The following MAN2A1 variants were observed in gnomAD, a reference collection of about 807,000 sequenced individuals.
MAN2A1 encodes mannosidase alpha class 2A member 1, also known as alpha-mannosidase 2.
A neutral mutation model predicts 142.6 loss-of-function variants in MAN2A1; 76 were observed. The observed-to-expected ratio is 0.53, with a 90% confidence interval of 0.44 to 0.65. The LOEUF is 0.65. Among genes scored for constraint, MAN2A1 ranks in the 30% least tolerant of loss-of-function variants. The probability of loss-of-function intolerance (pLI) is 0.00; values close to 1 mark genes in which losing one functional copy is unlikely to be tolerated. For synonymous variants in MAN2A1, 559 were observed against 473.2 expected (o/e 1.18, Z -2.35); for missense variants, 1,311 against 1,365.1 (o/e 0.96, Z 0.62).
intron 12 of MAN2A1, among the ~76,000 whole-genome samples, chr5:109,798,297 A>G (rs573744474): frequency 1.3e-5 from 2 of 152,322 alleles, no homozygotes; most frequent in South Asian, 4.1e-4. Context: ...GGTGAGAGTG[A>G]TATTTCGTAT....
intron 5 of MAN2A1, among the ~76,000 whole-genome samples, chr5:109,756,390 A>G (rs1752690894): frequency 7.2e-6 from 1 of 139,772 alleles, no homozygotes; most frequent in African/African-American, 2.5e-5. Flanking sequence ...ATAATAATGT[A>G]GTTTTTTATG....
intron 5 of MAN2A1, among the ~76,000 whole-genome samples, chr5:109,761,838 T>C (rs918645142): frequency 5.9e-5 from 9 of 152,042 alleles, no homozygotes; most frequent in African/African-American, 2.2e-4. Context: ...GTTATTAATA[T>C]CCAATTTACA....
At chr5:109,730,128 A>G (rs1305112071) in intron 4 of MAN2A1, among the ~76,000 whole-genome samples, 1 of 152,194 alleles carries the variant, frequency 6.6e-6, no homozygotes, top group Admixed American at 6.6e-5. Context: ...GTATATTTCA[A>G]TCTTCCATAT....
intron 5 of MAN2A1, among the ~76,000 whole-genome samples, chr5:109,764,617 T>C (rs927450165): frequency 6.6e-6 from 1 of 152,198 alleles, no homozygotes; most frequent in South Asian, 2.1e-4. Flanking sequence ...ACTTTCTCTT[T>C]TCTACATTAT....
intron 13 of MAN2A1, among the ~76,000 whole-genome samples, chr5:109,818,142 T>C (rs1449455413): frequency 6.6e-6 from 1 of 152,018 alleles, no homozygotes; most frequent in African/African-American, 2.4e-5. Context: ...CTTTTATTAT[T>C]ATTATTATTA....
At position 109,730,576 on chromosome 5, in the gene MAN2A1, C is replaced by T. The variant is rs146968286; in HGVS notation, c.707+1063C>T. On this transcript the variant is annotated intron_variant, in intron 4 of 21. Coordinates refer to ENST00000261483, the MANE Select transcript of MAN2A1 (RefSeq NM_002372.4). ...AAAACTGATTAAAAAAAATACGTTA[C>T]GATGGGAGGTTTTCTGATCTCCATG... is the stretch of plus-strand genomic sequence containing the variant. 8.7e-3 allele frequency among the ~76,000 whole-genome samples: 1,319 copies of T among 151,760 alleles called. 20 individuals carry two copies. The highest frequency in any genetic ancestry group is 0.03 in the African/African-American group (1,245 of 41,312).
At chr5:109,824,720 G>A (rs1431642871) in intron 16 of MAN2A1, among the ~76,000 whole-genome samples, 1 of 152,146 alleles carries the variant, frequency 6.6e-6, no homozygotes, top group East Asian at 1.9e-4. Flanking sequence ...TGTATAGGTA[G>A]GCACGGTTTC....
Position 109,762,204 on chromosome 5 carries a change from A to G in MAN2A1, c.836-5331A>G, listed in dbSNP as rs558536827. Among the ~76,000 whole-genome samples the G allele has an allele frequency of 2.0e-5, 3 of 152,292 alleles. No individual in the cohort carries two copies. In the East Asian group the frequency reaches 5.8e-4, roughly 29 times the overall value. ...TAAAGTGTTTAAAGCTATCTTCTCT[A>G]CAACTTTTGTATCTATCTTCTTTAT... On this transcript the variant is annotated intron_variant, in intron 5 of 21. Transcript: ENST00000261483.
At position 109,809,540 on chromosome 5, in the gene MAN2A1, T is replaced by A. The variant is rs1754264384; in HGVS notation, c.1944-7733T>A. On this transcript the variant is annotated intron_variant, in intron 12 of 21. Transcript: ENST00000261483. ...TAGATTTTTAGGCTGGCAGTATTTT[T>A]TTGTTTCCTCACCACCTCAAATATA... 2.0e-5 allele frequency among the ~76,000 whole-genome samples: 3 copies of A among 152,192 alleles called. No homozygotes were observed. In the South Asian group the frequency reaches 6.2e-4, roughly 31 times the overall value.
At chr5:109,745,879 A>C (rs1482465160) in intron 4 of MAN2A1, among the ~76,000 whole-genome samples, 1 of 152,238 alleles carries the variant, frequency 6.6e-6, no homozygotes, top group East Asian at 1.9e-4. Flanking sequence ...GGTCTCCCAA[A>C]GCACAGGGAT....
chr5:109,696,787 G>C (rs1204623878), intron 1 of MAN2A1, among the ~76,000 whole-genome samples: 1 of 152,184 alleles, frequency 6.6e-6, no homozygotes, highest in Non-Finnish European at 1.5e-5. Flanking sequence ...TAGCACTTCT[G>C]TGTTTTAGGA....
chr5:109,834,225 C>T (rs1206774167), intron 16 of MAN2A1, among the ~76,000 whole-genome samples: 1 of 152,140 alleles, frequency 6.6e-6, no homozygotes, highest in African/African-American at 2.4e-5. Context: ...CAACTTCTCT[C>T]CTCTGTCCTA....
At chr5:109,812,625 A>G (rs987976658) in intron 12 of MAN2A1, among the ~76,000 whole-genome samples, 3 of 152,188 alleles carry the variant, frequency 2.0e-5, no homozygotes, top group Non-Finnish European at 4.4e-5. Context: ...ATTGATTAAG[A>G]GTCAGACAAA....
At chr5:109,827,473 C>A (rs1159616309) in intron 16 of MAN2A1, among the ~76,000 whole-genome samples, 2 of 152,138 alleles carry the variant, frequency 1.3e-5, no homozygotes, top group African/African-American at 4.8e-5. Flanking sequence ...AAATCAAGAA[C>A]GACAAGCAAC....
chr5:109,799,203 T>A (rs998700088), intron 12 of MAN2A1, among the ~76,000 whole-genome samples: 1 of 152,156 alleles, frequency 6.6e-6, no homozygotes, highest in Non-Finnish European at 1.5e-5. Flanking sequence ...TTAACTAATA[T>A]TAGCAATGAT....
At chr5:109,738,615 C>T (rs954272779) in intron 4 of MAN2A1, among the ~76,000 whole-genome samples, 1 of 152,040 alleles carries the variant, frequency 6.6e-6, no homozygotes, top group Non-Finnish European at 1.5e-5. Flanking sequence ...CTTCTCTATA[C>T]CTCAGTTTCT....
intron 8 of MAN2A1, among the ~76,000 whole-genome samples, chr5:109,776,288 A>G (rs539808058): frequency 3.2e-4 from 48 of 152,258 alleles, no homozygotes; most frequent in African/African-American, 1.2e-3. Context: ...AAGTAATATC[A>G]AATAGATAAA....
At chr5:109,804,640 T>C (rs1200658502) in intron 12 of MAN2A1, among the ~76,000 whole-genome samples, 1 of 152,176 alleles carries the variant, frequency 6.6e-6, no homozygotes, top group Non-Finnish European at 1.5e-5. Context: ...CTAAAAATAC[T>C]TTGAAAGTAG....
chr5:109,821,535 C>T (rs900798501), intron 15 of MAN2A1, among the ~76,000 whole-genome samples: 1 of 152,122 alleles, frequency 6.6e-6, no homozygotes, highest in Non-Finnish European at 1.5e-5. Flanking sequence ...AATGTTCAAT[C>T]CCACCAGCAT....
Sources: gnomAD v4.1 joint callset for allele counts (sites outside exome capture counted in the v4.1 genomes callset) on GRCh38, gnomAD v4.1.1 for gene constraint, MANE v1.5 for transcripts, NCBI Gene and HGNC (gene_info 2026-07-23, HGNC 2026-07-21) for gene names.